Variants in ZNF704 observed in about 807,000 individuals in gnomAD.
ZNF704 encodes zinc finger protein 704, also known as glucocorticoid induced gene 1.
ZNF704 carries 10 observed loss-of-function variants against 44.7 expected under a neutral mutation model. The ratio of observed to expected loss-of-function variants is 0.22; its 90% confidence interval spans 0.14 to 0.38. The LOEUF (loss-of-function observed/expected upper bound fraction) is 0.38. ZNF704 is among the 10% of genes least tolerant of loss of function. The pLI is 1.00. For synonymous variants in ZNF704, 211 were observed against 207.6 expected (o/e 1.02, Z -0.14); for missense variants, 390 against 545.5 (o/e 0.71, Z 2.84).
upstream of ZNF704, among the ~76,000 whole-genome samples, chr8:80,879,417 ATTTG>A (rs1809398410): frequency 1.3e-5 from 2 of 151,936 alleles, no homozygotes; most frequent in South Asian, 4.2e-4. Flanking sequence ...TTGGGGGTTT[ATTTG>A]TTTGTATTTT....
At chr8:80,835,383 A>G (rs903107862) in intron 1 of ZNF704, among the ~76,000 whole-genome samples, 1 of 152,184 alleles carries the variant, frequency 6.6e-6, no homozygotes, top group African/African-American at 2.4e-5. Flanking sequence ...AGAAAACAAC[A>G]TGACACCACA....
intron 1 of ZNF704, among the ~76,000 whole-genome samples, chr8:80,840,012 T>A (rs1808649500): frequency 6.6e-6 from 1 of 152,246 alleles, no homozygotes; most frequent in Non-Finnish European, 1.5e-5. Context: ...AGAGCAAGTT[T>A]TGCTCAGTTT....
intron 1 of ZNF704, among the ~76,000 whole-genome samples, chr8:80,858,065 T>C (rs988680595): frequency 2.0e-5 from 3 of 152,168 alleles, no homozygotes; most frequent in Non-Finnish European, 4.4e-5. Flanking sequence ...CACAGAAAAG[T>C]AATATGTCTG....
chr8:80,707,095 T>G (rs985184802), intron 2 of ZNF704, among the ~76,000 whole-genome samples: 1 of 152,218 alleles, frequency 6.6e-6, no homozygotes, highest in Non-Finnish European at 1.5e-5. Flanking sequence ...ACTCCCCCAT[T>G]TTATAAACAT....
chr8:80,757,739 T>G (rs1807060617), intron 2 of ZNF704, among the ~76,000 whole-genome samples: 1 of 152,196 alleles, frequency 6.6e-6, no homozygotes, highest in Non-Finnish European at 1.5e-5. Flanking sequence ...ACCTTTTTAA[T>G]GTTTAGATAG....
intron 2 of ZNF704, among the ~76,000 whole-genome samples, chr8:80,815,561 T>C (rs1223636638): frequency 6.6e-6 from 1 of 151,052 alleles, no homozygotes; most frequent in Non-Finnish European, 1.5e-5. Context: ...ATAATTGACT[T>C]ATCAATATAT....
chr8:80,782,265 G>A (rs1344093486), intron 2 of ZNF704, among the ~76,000 whole-genome samples: 1 of 152,172 alleles, frequency 6.6e-6, no homozygotes, highest in Non-Finnish European at 1.5e-5. Context: ...GGAGCTCTGG[G>A]CTCGAAATAA....
chr8:80,851,975 G>A (rs1179288705), intron 1 of ZNF704, among the ~76,000 whole-genome samples: 1 of 151,906 alleles, frequency 6.6e-6, no homozygotes, highest in Admixed American at 6.6e-5. Flanking sequence ...TAAGGACTGA[G>A]GAAAAAAAAG....
intron 1 of ZNF704, among the ~76,000 whole-genome samples, chr8:80,826,266 A>T (rs896309568): frequency 6.6e-6 from 1 of 152,216 alleles, no homozygotes; most frequent in African/African-American, 2.4e-5. Flanking sequence ...ATCCCACAGA[A>T]ATACAAACTA....
At position 80,822,375 on chromosome 8, in the gene ZNF704, T is replaced by C. The variant is rs1808290110; in HGVS notation, c.-21-760A>G. The stretch of plus-strand genomic sequence containing the variant: ...CTATGAGTGAGAACATGTGATGAAC[T>C]CATCCTTTTTTATGGCTGCATAGTA... On this transcript the variant is annotated intron_variant, in intron 1 of 8. Coordinates refer to ENST00000327835, the MANE Select transcript of ZNF704 (RefSeq NM_001033723.3). Among the ~76,000 whole-genome samples, 3 of 150,650 alleles carry C rather than the reference T, an allele frequency of 2.0e-5. No individual in the cohort carries two copies. In the Admixed American group the frequency reaches 2.0e-4, roughly 10 times the overall value.
chr8:80,823,467 C>T (rs530502814), intron 1 of ZNF704, among the ~76,000 whole-genome samples: 1 of 152,348 alleles, frequency 6.6e-6, no homozygotes, highest in East Asian at 1.9e-4. Context: ...GGAAGCCTGC[C>T]TGCCTCTGTA....
chr8:80,708,092 T>C (rs1363599831), intron 2 of ZNF704, among the ~76,000 whole-genome samples: 2 of 152,248 alleles, frequency 1.3e-5, no homozygotes, highest in East Asian at 1.9e-4. Context: ...TCTTATTTGA[T>C]GACTGATCAA....
intron 1 of ZNF704, among the ~76,000 whole-genome samples, chr8:80,838,246 G>A (rs1252612322): frequency 2.6e-5 from 4 of 152,196 alleles, no homozygotes; most frequent in African/African-American, 9.7e-5. Context: ...TTAAGACATA[G>A]TTTCTCTGAC....
At chr8:80,666,285 G>A (rs1427356037) in intron 5 of ZNF704, among the ~76,000 whole-genome samples, 1 of 150,762 alleles carries the variant, frequency 6.6e-6, no homozygotes, top group African/African-American at 2.4e-5. Context: ...CCCTACAAAG[G>A]ACATGAACTC....
In ZNF704 at chr8:80,845,477, G is replaced by C. The variant is rs76722338; in HGVS notation, c.-21-23862C>G. On this transcript the variant is annotated intron_variant, in intron 1 of 8. Transcript: ENST00000327835. ...AAGAGTTAGCATGCTCCAGTATTCT[G>C]CATCCCTCTGTTAAGGACAGAAATA... 3.6e-3 allele frequency among the ~76,000 whole-genome samples: 554 copies of C among 152,304 alleles called. 2 individuals are homozygous for C. Among genetic ancestry groups the C allele is most frequent in the African/African-American group, 0.013 (537 of 41,578 alleles).
chr8:80,772,262 T>C (rs920754005), intron 2 of ZNF704, among the ~76,000 whole-genome samples: 3 of 152,208 alleles, frequency 2.0e-5, no homozygotes, highest in African/African-American at 7.2e-5. Flanking sequence ...TTTTATTTTT[T>C]GGAAGAGAAG....
At chr8:80,827,063 A>G (rs1009971412) in intron 1 of ZNF704, among the ~76,000 whole-genome samples, 2 of 152,206 alleles carry the variant, frequency 1.3e-5, no homozygotes, top group African/African-American at 4.8e-5. Flanking sequence ...CAGTGTTGGA[A>G]GTTCTGGCCA....
At chr8:80,856,271 T>C (rs188490818) in intron 1 of ZNF704, among the ~76,000 whole-genome samples, 5 of 152,314 alleles carry the variant, frequency 3.3e-5, no homozygotes, top group Admixed American at 3.3e-4. Flanking sequence ...TGTTCAATTC[T>C]TGATAAACAC....
At chr8:80,670,357 A>G (rs1818260091) in intron 5 of ZNF704, 146 bp downstream of exon 5, 1 of 591,638 alleles carries the variant, frequency 1.7e-6, no homozygotes, top group African/African-American at 1.8e-5. Context: ...GATGATCTGC[A>G]GTGGCCATCT....
Sources: allele counts gnomAD v4.1 joint callset (sites outside exome capture counted in the v4.1 genomes callset), GRCh38; gene constraint gnomAD v4.1.1; transcripts MANE v1.5; gene names NCBI Gene and HGNC (gene_info 2026-07-23, HGNC 2026-07-21).